Variants in LNPEP observed in about 807,000 individuals in gnomAD.
The protein encoded by LNPEP is leucyl-cystinyl aminopeptidase.
LNPEP carries 64 observed loss-of-function variants against 120.6 expected under a neutral mutation model. That is an observed-to-expected ratio of 0.53 (90% confidence interval 0.43 to 0.65). The LOEUF (loss-of-function observed/expected upper bound fraction) is 0.65. LNPEP is among the 30% of genes least tolerant of loss of function. The pLI is 0.00. For synonymous variants in LNPEP, 435 were observed against 425.4 expected (o/e 1.02, Z -0.28); for missense variants, 1,057 against 1,200.0 (o/e 0.88, Z 1.76).
intron 1 of LNPEP, among the ~76,000 whole-genome samples, chr5:96,956,698 G>T (rs1284165758): frequency 3.3e-5 from 5 of 152,108 alleles, no homozygotes; most frequent in African/African-American, 1.2e-4. Context: ...GAAGTTTGAG[G>T]TGATTGTTTC....
At chr5:97,010,660 G>GT in intron 11 of LNPEP, 3 of 985,070 alleles carry the variant, frequency 3.0e-6, no homozygotes, top group Non-Finnish European at 3.6e-6. Context: ...AAAAATCACT[G>GT]TTAGATTACT....
chr5:96,983,889 A>T (rs751346065), intron 2 of LNPEP, among the ~76,000 whole-genome samples: 3 of 152,196 alleles, frequency 2.0e-5, no homozygotes, highest in Non-Finnish European at 2.9e-5. Flanking sequence ...CTTCATGAAA[A>T]TGCAAGCTGT....
intron 8 of LNPEP, among the ~76,000 whole-genome samples, chr5:96,998,749 T>C (rs989305861): frequency 6.6e-6 from 1 of 152,158 alleles, no homozygotes; most frequent in Non-Finnish European, 1.5e-5. Context: ...ATGTGTGAGA[T>C]ACAGTCTATG....
At chr5:96,971,259 G>A (rs1789854849) in intron 1 of LNPEP, among the ~76,000 whole-genome samples, 1 of 151,250 alleles carries the variant, frequency 6.6e-6, no homozygotes, top group South Asian at 2.1e-4. Context: ...TCTGTATGTA[G>A]CATTGTTTCC....
rs550856605 is a variant in LNPEP, at chr5:96,948,216, C to A, written c.19+12042C>A. Among the ~76,000 whole-genome samples, 10 of 151,820 alleles carry A rather than the reference C, an allele frequency of 6.6e-5. No homozygotes were observed. The East Asian group carries it at 1.9e-3, about 30-fold the overall frequency. On this transcript the variant is annotated intron_variant, in intron 1 of 17. Transcript: ENST00000231368. ...CACTGCAACCTCTACCTCCCGGGTT[C>A]CAGTGATTCTCCTGCCTCAGCCTCC... is the stretch of plus-strand genomic sequence containing the variant.
chr5:97,020,268 C>T lies in LNPEP; in HGVS notation c.2377-2032C>T, dbSNP rs148846816. 3.6e-3 allele frequency among the ~76,000 whole-genome samples: 549 copies of T among 152,014 alleles called. 8 individuals carry two copies. Among genetic ancestry groups the T allele is most frequent in the Admixed American group, 0.027 (412 of 15,290 alleles). Reference sequence around the variant, plus strand: ...TACTCAGTGGTACTCACTGTCAATACCTAAAAGAAAGGAAGAAAGCAATGT... The same window carrying T: ...TACTCAGTGGTACTCACTGTCAATATCTAAAAGAAAGGAAGAAAGCAATGT... On this transcript the variant is annotated intron_variant, in intron 13 of 17. Transcript: ENST00000231368.
rs377650993 is a variant in LNPEP at position 96,982,257 on chromosome 5, CTTTGTACATTGTTATCTCCAGTG to C, written c.860+2284_860+2306del. 3.1e-3 allele frequency among the ~76,000 whole-genome samples: 470 copies of C among 152,262 alleles called. 4 individuals are homozygous for C. Among genetic ancestry groups the C allele is most frequent in the African/African-American group, 0.011 (459 of 41,556 alleles). ...GCCTCTCTAGTTCATACTTGCTTTC[CTTTGTACATTGTTATCTCCAGTG>C]TTTGAAATTCTCTTATCCCCAGTTA... On this transcript the variant is annotated intron_variant, in intron 2 of 17. Coordinates refer to ENST00000231368, the MANE Select transcript of LNPEP (RefSeq NM_005575.3).
intron 15 of LNPEP, among the ~76,000 whole-genome samples, chr5:97,025,668 G>A (rs1017151389): frequency 5.3e-5 from 8 of 152,034 alleles, no homozygotes; most frequent in African/African-American, 1.2e-4. Flanking sequence ...ACATATGTAC[G>A]TACATACATA....
At chr5:96,945,133 A>C (rs1225449450) in intron 1 of LNPEP, among the ~76,000 whole-genome samples, 1 of 152,112 alleles carries the variant, frequency 6.6e-6, no homozygotes, top group African/African-American at 2.4e-5. Flanking sequence ...GCAGTGGCTC[A>C]CACCTGTAAT....
intron 1 of LNPEP, among the ~76,000 whole-genome samples, chr5:96,956,269 T>C (rs1425198769): frequency 1.3e-5 from 2 of 152,252 alleles, no homozygotes; most frequent in Non-Finnish European, 2.9e-5. Flanking sequence ...AAGATGTTGC[T>C]CTATCATTTT....
At chr5:96,975,248 A>G (rs1343174097) in intron 1 of LNPEP, among the ~76,000 whole-genome samples, 1 of 152,148 alleles carries the variant, frequency 6.6e-6, no homozygotes, top group African/African-American at 2.4e-5. Context: ...TATATCCTAC[A>G]CTGAATGCCA....
chr5:96,949,028 G>A (rs1023658039), intron 1 of LNPEP, among the ~76,000 whole-genome samples: 2 of 152,140 alleles, frequency 1.3e-5, no homozygotes, highest in African/African-American at 4.8e-5. Context: ...AATTAGCAGT[G>A]GTCTAAGATA....
chr5:97,008,334 C>CTTTTTT (rs1561450377), intron 11 of LNPEP, among the ~76,000 whole-genome samples: 6 of 48,652 alleles, frequency 1.2e-4, no homozygotes, highest in African/African-American at 4.1e-4. Context: ...TTTGTTTTTT[C>CTTTTTT]TTGTTTTTTT....
intron 2 of LNPEP, among the ~76,000 whole-genome samples, chr5:96,982,253 T>C (rs1202673873): frequency 6.6e-6 from 1 of 152,150 alleles, no homozygotes; most frequent in Non-Finnish European, 1.5e-5. Flanking sequence ...TCATACTTGC[T>C]TTCCTTTGTA....
chr5:96,972,323 T>A (rs2112596160), intron 1 of LNPEP, among the ~76,000 whole-genome samples: 1 of 152,182 alleles, frequency 6.6e-6, no homozygotes, highest in East Asian at 1.9e-4. Context: ...GGTGTCACCT[T>A]TACTTCTACA....
chr5:96,947,961 G>C (rs992879484), intron 1 of LNPEP, among the ~76,000 whole-genome samples: 1 of 151,540 alleles, frequency 6.6e-6, no homozygotes, highest in Non-Finnish European at 1.5e-5. Flanking sequence ...CATTACTTTA[G>C]TAATTTGTTC....
intron 13 of LNPEP, among the ~76,000 whole-genome samples, chr5:97,020,803 A>G (rs964313119): frequency 6.6e-6 from 1 of 152,210 alleles, no homozygotes; most frequent in Non-Finnish European, 1.5e-5. Context: ...CTCCATCTCA[A>G]AAACAAAAAA....
At chr5:96,936,514 C>T (rs1412000899) in intron 1 of LNPEP, 2 of 237,748 alleles carry the variant, frequency 8.4e-6, no homozygotes, top group East Asian at 7.8e-5. Flanking sequence ...GAGGCGGTGT[C>T]GGCCCGACTC....
chr5:96,947,751 A>T (rs1789221456), intron 1 of LNPEP, among the ~76,000 whole-genome samples: 2 of 152,196 alleles, frequency 1.3e-5, no homozygotes, highest in South Asian at 4.1e-4. Context: ...TGTATATTCC[A>T]CTGCAGATAG....
Sources: allele counts gnomAD v4.1 joint callset (sites outside exome capture counted in the v4.1 genomes callset), GRCh38; gene constraint gnomAD v4.1.1; transcripts MANE v1.5; gene names NCBI Gene and HGNC (gene_info 2026-07-23, HGNC 2026-07-21).